IDI1: variants seen among roughly 807,000 people sequenced by gnomAD.
IDI1 encodes the protein isopentenyl-diphosphate Delta-isomerase 1.
A neutral mutation model predicts 32.9 loss-of-function variants in IDI1; 23 were observed. The ratio of observed to expected loss-of-function variants is 0.70; its 90% CI spans 0.50 to 0.99. IDI1 has a LOEUF of 0.99. Among genes scored for constraint, IDI1 ranks in the 50% least tolerant of loss-of-function variants. The pLI is 0.00. For missense variants in IDI1, 326 were observed against 351.9 expected (o/e 0.93, Z 0.59); for synonymous variants, 133 against 128.2 (o/e 1.04, Z -0.25).
chr10:1,053,626 C>G (rs1344638950), upstream of IDI1, among the ~76,000 whole-genome samples: 1 of 152,218 alleles, frequency 6.6e-6, no homozygotes, highest in African/African-American at 2.4e-5. Flanking sequence ...ACATGCCTTC[C>G]TCACCATGCT....
intron 1 of IDI1, among the ~76,000 whole-genome samples, chr10:1,045,866 G>GGT (rs10598743): frequency 0.037 from 5,626 of 151,018 alleles, 263 homozygotes; most frequent in African/African-American, 0.11. Flanking sequence ...ATAGGGTCTG[G>GGT]GTGTGTGTGT....
intron 4 of IDI1, chr10:1,042,404 T>C (rs1029347967): frequency 1.8e-5 from 8 of 455,068 alleles, no homozygotes; most frequent in Admixed American, 1.3e-4. Flanking sequence ...TTCAACCTTA[T>C]ATAGTGCTTA....
At position 1,048,893 on chromosome 10, in the gene IDI1, C is replaced by T. The variant is rs377321925; in HGVS notation, c.111G>A (p.Pro37=). Residue 37 remains proline (P), a synonymous_variant, in exon 1 of 5, where the codon CCG becomes CCA. Coordinates refer to ENST00000381344, the MANE Select transcript of IDI1 (RefSeq NM_004508.4). ...DCAQSGRHPG[P]AVVCGRRLIS... ...TCAGCCTCCGGCCACAGACAACCGC[C>T]GGTCCCGGATGGCGCCCGCTTTGAG... is the stretch of plus-strand genomic sequence containing the variant. 6.1e-5 allele frequency: 98 copies of T among 1,607,166 alleles called. No homozygotes were observed. The African/African-American group carries it at 1.3e-3, about 21-fold the overall frequency.
chr10:1,042,316 G>A (rs189505115), intron 4 of IDI1, among the ~76,000 whole-genome samples: 141 of 152,164 alleles, frequency 9.3e-4, no homozygotes, highest in African/African-American at 3.3e-3. Flanking sequence ...GTGAGAACTG[G>A]AAAACCTGTC....
chr10:1,055,270 GATTAA>G, the IDI1 span, among the ~76,000 whole-genome samples: 6 of 152,158 alleles, frequency 3.9e-5, no homozygotes, highest in Admixed American at 2.6e-4. Context: ...TTCCTTTGGG[GATTAA>G]ATTAGTTACA....
At position 1,043,359 on chromosome 10, in the gene IDI1, G is replaced by A. The variant is rs755037500; in HGVS notation, c.348C>T (p.Phe116=). The A allele has an allele frequency of 2.5e-6, 4 of 1,610,730 alleles. No homozygotes were observed. Among genetic ancestry groups the A allele is most frequent in the Non-Finnish European group, 3.4e-6 (4 of 1,176,900 alleles). The change falls in exon 3 of 5, where the codon TTC becomes TTT. Residue 116 remains phenylalanine (F), a synonymous_variant. Coordinates refer to ENST00000381344, the MANE Select transcript of IDI1 (RefSeq NM_004508.4). The stretch of plus-strand genomic sequence containing the variant: ...GTAGCAGAAGCTTATTTTCGGTGTT[G>A]AATAAGAAGACACTAAAAGCTCGAT... The part of the protein sequence containing the change: ...LLHRAFSVFL[F]NTENKLLLQQ...
At position 1,048,987 on chromosome 10, in the gene IDI1, G is replaced by T. The variant is rs774007206; in HGVS notation, c.17C>A (p.Ala6Glu). MWRGL[A>E]LARAIGCAAR... ...CGCGCAGCCAATCGCTCGCGCCAGC[G>T]CCAGTCCACGCCACATCGCCCGGCC... Residue 6 changes from alanine to glutamate, a missense_variant, in exon 1 of 5, where the codon GCG becomes GAG. Physicochemically the swap from Ala to Glu is moderately radical, Grantham distance 107. Coordinates refer to ENST00000381344, the MANE Select transcript of IDI1 (RefSeq NM_004508.4). The T allele has an allele frequency of 1.3e-5, 19 of 1,512,438 alleles. No individual in the cohort carries two copies. In the East Asian group the frequency reaches 4.6e-4, roughly 36 times the overall value. The allele number at this position is 1,512,438 out of a possible 1,614,324, so 93.7% of individuals were successfully genotyped here.
chr10:1,039,904 A>C lies in IDI1; in HGVS notation c.*1283T>G, dbSNP rs1234562978. On this transcript the variant is annotated 3_prime_UTR_variant, in exon 5 of 5. Coordinates refer to ENST00000381344, the MANE Select transcript of IDI1 (RefSeq NM_004508.4). ...ATCAAAATTTTAACAAACTAAACAC[A>C]GTATTAAATTGCAATTTTTTTTACT... 2.6e-5 allele frequency: 4 copies of C among 152,254 alleles called. No individual in the cohort carries two copies. Among genetic ancestry groups the C allele is most frequent in the Non-Finnish European group, 5.9e-5 (4 of 68,044 alleles). 9.4% of individuals were successfully genotyped at this position (152,254 alleles called of 1,614,324 possible). A position where few individuals can be genotyped will look rare whatever the true frequency, so the allele number is the denominator to read the frequency against.
upstream of IDI1, among the ~76,000 whole-genome samples, chr10:1,051,092 A>G (rs145675005): frequency 6.0e-4 from 92 of 152,344 alleles, no homozygotes; most frequent in African/African-American, 2.1e-3. Context: ...TGTACCTCGA[A>G]TGCCTATTTT....
chr10:1,039,616 C>A lies in IDI1; in HGVS notation c.*1571G>T, dbSNP rs1353163906. On this transcript the variant is annotated 3_prime_UTR_variant, in exon 5 of 5. Transcript: ENST00000381344. ...AGGAGTTCTAAGGAGTTTATCAGGT[C>A]AAAAGACATTCCTTACATTTTCTGG... is the stretch of plus-strand genomic sequence containing the variant. The A allele has an allele frequency of 6.6e-6, 1 of 152,136 alleles. No individual in the cohort carries two copies. The highest frequency in any genetic ancestry group is 2.4e-5 in the African/African-American group (1 of 41,422). The allele number at this position is 152,136 out of a possible 1,614,324, so 9.4% of individuals were successfully genotyped here.
the IDI1 span, among the ~76,000 whole-genome samples, chr10:1,056,028 C>G: frequency 6.6e-6 from 1 of 152,084 alleles, no homozygotes; most frequent in African/African-American, 2.4e-5. Flanking sequence ...AGGCTGGTCT[C>G]GACCTCCTAA....
At chr10:1,054,113 C>T (rs1468795652), upstream of IDI1, among the ~76,000 whole-genome samples, 7 of 152,118 alleles carry the variant, frequency 4.6e-5, 1 homozygote, top group South Asian at 6.2e-4. Flanking sequence ...GATTTAATAA[C>T]GGAAACATTC....
chr10:1,050,164 T>G (rs770865357), upstream of IDI1, among the ~76,000 whole-genome samples: 2 of 152,254 alleles, frequency 1.3e-5, no homozygotes, highest in Non-Finnish European at 2.9e-5. Context: ...TTACTACTGC[T>G]ATTTACTAAC....
chr10:1,051,745 T>C (rs1328032782), upstream of IDI1, among the ~76,000 whole-genome samples: 2 of 152,236 alleles, frequency 1.3e-5, no homozygotes, highest in Non-Finnish European at 1.5e-5. Context: ...TTTGCCTCAA[T>C]GTTGATGGCT....
upstream of IDI1, among the ~76,000 whole-genome samples, chr10:1,050,152 G>A (rs1011721619): frequency 1.3e-5 from 2 of 152,030 alleles, no homozygotes; most frequent in Non-Finnish European, 2.9e-5. Context: ...GCTCACTGTT[G>A]TTTACTACTG....
chr10:1,048,245 T>C, intron 1 of IDI1: 1 of 1,303,550 alleles, frequency 7.7e-7, no homozygotes, highest in African/African-American at 1.5e-5. Context: ...ATACGTCTAT[T>C]TATGCGTTTA....
upstream of IDI1, chr10:1,049,152 G>A (rs1244790799): frequency 8.6e-6 from 11 of 1,280,550 alleles, no homozygotes; most frequent in Non-Finnish European, 1.0e-5. Flanking sequence ...GCCTTTAAGG[G>A]GGTCAACACG....
chr10:1,049,472 T>TCC (rs72449284), upstream of IDI1: 532 of 107,118 alleles, frequency 5.0e-3, 8 homozygotes, highest in South Asian at 0.017. Flanking sequence ...CTCCCCCCCC[T>TCC]CCCCCCCCCC....
At chr10:1,049,647 T>G (rs1832937807), upstream of IDI1, 1 of 137,826 alleles carries the variant, frequency 7.3e-6, no homozygotes, top group Non-Finnish European at 1.6e-5. Flanking sequence ...TCGAGGTACA[T>G]GACTACGTTC....
Sources: gnomAD v4.1 joint callset for allele counts (sites outside exome capture counted in the v4.1 genomes callset) on GRCh38, gnomAD v4.1.1 for gene constraint, MANE v1.5 for transcripts, NCBI Gene and HGNC (gene_info 2026-07-23, HGNC 2026-07-21) for gene names.